The following FRMD4A variants were observed in gnomAD, a reference collection of about 807,000 sequenced individuals.
FRMD4A encodes the protein FERM domain-containing protein 4A.
In FRMD4A, 29 loss-of-function variants were observed where a neutral mutation model predicts 129.1. That is an observed-to-expected ratio of 0.22 (90% confidence interval 0.17 to 0.31). FRMD4A has a LOEUF of 0.31. FRMD4A is among the 10% of genes least tolerant of loss of function. The pLI is 1.00. For missense variants in FRMD4A, 1,272 were observed against 1,375.8 expected (o/e 0.92, Z 1.19); for synonymous variants, 634 against 571.6 (o/e 1.11, Z -1.56).
At chr10:14,317,731 AGAG>A (rs1846794407) in intron 2 of FRMD4A, among the ~76,000 whole-genome samples, 2 of 144,176 alleles carry the variant, frequency 1.4e-5, no homozygotes, top group African/African-American at 5.2e-5. Context: ...AGGAGAAAGG[AGAG>A]GAGAAGACAA....
At chr10:14,151,585 C>T (rs1441675779) in intron 2 of FRMD4A, among the ~76,000 whole-genome samples, 1 of 152,080 alleles carries the variant, frequency 6.6e-6, no homozygotes, top group Non-Finnish European at 1.5e-5. Context: ...GGAGTCCAAT[C>T]CCCCCTTTAC....
At chr10:13,887,258 G>A (rs889930300) in intron 2 of FRMD4A, among the ~76,000 whole-genome samples, 9 of 152,064 alleles carry the variant, frequency 5.9e-5, no homozygotes, top group Admixed American at 6.5e-5. Context: ...GAACTGAACC[G>A]GATCCCCCAT....
chr10:14,278,506 T>G (rs1331967539), intron 2 of FRMD4A, among the ~76,000 whole-genome samples: 1 of 152,178 alleles, frequency 6.6e-6, no homozygotes, highest in African/African-American at 2.4e-5. Context: ...CCAGAAGTCT[T>G]CCTTTCAGCG....
chr10:14,090,485 G>T (rs1379954095), intron 2 of FRMD4A, among the ~76,000 whole-genome samples: 1 of 152,202 alleles, frequency 6.6e-6, no homozygotes, highest in African/African-American at 2.4e-5. Flanking sequence ...ACAGCACTTT[G>T]CAGGCACCTG....
intron 2 of FRMD4A, among the ~76,000 whole-genome samples, chr10:13,971,303 A>C (rs1308620982): frequency 6.6e-6 from 1 of 152,180 alleles, no homozygotes; most frequent in Admixed American, 6.5e-5. Context: ...CTTTGGTTGA[A>C]ATCACCAGGC....
chr10:14,046,538 A>C (rs1044897998), intron 2 of FRMD4A, among the ~76,000 whole-genome samples: 46 of 152,302 alleles, frequency 3.0e-4, no homozygotes, highest in Admixed American at 1.0e-3. Context: ...ATTTTAAGAA[A>C]ATGAAAGGTA....
chr10:14,082,720 G>T (rs1267627060), intron 2 of FRMD4A, among the ~76,000 whole-genome samples: 1 of 152,134 alleles, frequency 6.6e-6, no homozygotes, highest in Non-Finnish European at 1.5e-5. Context: ...AGCCCATAAC[G>T]CGGAGTCTGC....
chr10:14,300,924 G>A (rs1334323634), intron 2 of FRMD4A, among the ~76,000 whole-genome samples: 1 of 152,158 alleles, frequency 6.6e-6, no homozygotes, highest in African/African-American at 2.4e-5. Context: ...GTTTGCCTGA[G>A]AGTTTTGGCC....
At position 14,264,790 on chromosome 10, in the gene FRMD4A, T is replaced by C. The variant is rs544207473; in HGVS notation, c.45+65268A>G. Among the ~76,000 whole-genome samples, 150 of 147,870 alleles carry C rather than the reference T, an allele frequency of 1.0e-3. 1 individual carries two copies. The highest frequency in any genetic ancestry group is 1.9e-3 in the Non-Finnish European group (129 of 66,470). On this transcript the variant is annotated intron_variant, in intron 2 of 24. Coordinates refer to ENST00000357447, the MANE Select transcript of FRMD4A (RefSeq NM_018027.5). Reference sequence around the variant, plus strand: ...TCCCAAGTCTTGGAAAAGAAACACTTTTTTTTTTTTAGACGAAGTCTTGCT... The same window carrying C: ...TCCCAAGTCTTGGAAAAGAAACACTCTTTTTTTTTTAGACGAAGTCTTGCT...
intron 15 of FRMD4A, among the ~76,000 whole-genome samples, chr10:13,679,452 A>AT (rs2084300877): frequency 9.3e-5 from 4 of 43,104 alleles, no homozygotes; most frequent in African/African-American, 3.8e-4. Flanking sequence ...AAAAAAAAAA[A>AT]AAAAAAAAAT....
At chr10:14,138,756 TAAAAA>T (rs112538773) in intron 2 of FRMD4A, among the ~76,000 whole-genome samples, 3,572 of 140,574 alleles carry the variant, frequency 0.025, 66 homozygotes, top group South Asian at 0.039. Flanking sequence ...AGACTCCATC[TAAAAA>T]AAAAAGAAAA....
chr10:13,769,519 C>T (rs1027593023), intron 6 of FRMD4A, among the ~76,000 whole-genome samples: 4 of 152,016 alleles, frequency 2.6e-5, no homozygotes, highest in South Asian at 4.1e-4. Context: ...CATGTTGCCC[C>T]GGGTGGTCTA....
Position 13,656,804 on chromosome 10 carries a change from GCAGCTCGTC to G in FRMD4A, c.2776_2784del (p.Asp926_Leu928del). 1 of 1,585,246 alleles carries G rather than the reference GCAGCTCGTC, an allele frequency of 6.3e-7. No homozygotes were observed. The highest frequency in any genetic ancestry group is 8.6e-7 in the Non-Finnish European group (1 of 1,168,000). ...GCGGTGGAACGCTGGTACCACTGGC[GCAGCTCGTC>G]TGAGACGGCGGCACGGCCCGCGCCC... On this transcript the variant is annotated inframe_deletion, in exon 22 of 25. Coordinates refer to ENST00000357447, the MANE Select transcript of FRMD4A (RefSeq NM_018027.5).
chr10:14,282,041 A>G (rs1481598212), intron 2 of FRMD4A, among the ~76,000 whole-genome samples: 4 of 152,230 alleles, frequency 2.6e-5, no homozygotes, highest in African/African-American at 7.2e-5. Flanking sequence ...CACGTCTTAC[A>G]TGGCAGCAGG....
In FRMD4A at chr10:13,952,652, A is replaced by G. The variant is rs79924842; in HGVS notation, c.46-93740T>C. Among the ~76,000 whole-genome samples the G allele has an allele frequency of 2.2e-3, 339 of 152,314 alleles. 12 individuals carry two copies. In the East Asian group the frequency reaches 0.051, roughly 23 times the overall value. On this transcript the variant is annotated intron_variant, in intron 2 of 24. Coordinates refer to ENST00000357447, the MANE Select transcript of FRMD4A (RefSeq NM_018027.5). ...TTCAAATCTGGCTCTGTCTCTTCTTACTGAGAGGTAGTTGCAAATTATGTA... is the reference window on the plus strand; with the variant it reads ...TTCAAATCTGGCTCTGTCTCTTCTTGCTGAGAGGTAGTTGCAAATTATGTA...
At chr10:14,212,816 A>G (rs2400044) in intron 2 of FRMD4A, among the ~76,000 whole-genome samples, 150,634 of 152,342 alleles carry the variant, frequency 0.99, 74,493 homozygotes, top group East Asian at 1. Flanking sequence ...GTCCAGGTAT[A>G]TGTTTGCTGT....
intron 12 of FRMD4A, among the ~76,000 whole-genome samples, chr10:13,715,575 A>T (rs1246605695): frequency 9.2e-5 from 14 of 152,164 alleles, no homozygotes; most frequent in African/African-American, 3.1e-4. Context: ...TATATGTTAA[A>T]TGCTTAAAAT....
chr10:14,227,071 A>C (rs1843464041), intron 2 of FRMD4A, among the ~76,000 whole-genome samples: 1 of 152,022 alleles, frequency 6.6e-6, no homozygotes, highest in African/African-American at 2.4e-5. Context: ...CGAGGGCTGC[A>C]CATGCCCGCA....
At chr10:13,825,816 A>G (rs985749469) in intron 3 of FRMD4A, among the ~76,000 whole-genome samples, 1 of 152,232 alleles carries the variant, frequency 6.6e-6, no homozygotes, top group Non-Finnish European at 1.5e-5. Flanking sequence ...GGATAACTGA[A>G]ACGTGGAAAG....
Sources: allele counts gnomAD v4.1 joint callset (sites outside exome capture counted in the v4.1 genomes callset), GRCh38; gene constraint gnomAD v4.1.1; transcripts MANE v1.5; gene names NCBI Gene and HGNC (gene_info 2026-07-23, HGNC 2026-07-21).